Variants in OPCML observed in about 807,000 individuals in gnomAD.
OPCML encodes the protein opioid-binding protein/cell adhesion molecule.
A neutral mutation model predicts 37.8 loss-of-function variants in OPCML; 13 were observed. The observed-to-expected ratio is 0.34, with a 90% CI of 0.22 to 0.55. The LOEUF (loss-of-function observed/expected upper bound fraction) is 0.55. OPCML is among the 20% of genes least tolerant of loss of function. The probability of loss-of-function intolerance (pLI) is 0.91; values close to 1 mark genes in which losing one functional copy is unlikely to be tolerated. For missense variants in OPCML, 341 were observed against 435.6 expected, an observed-to-expected ratio of 0.78 and a Z score of 1.93; for synonymous variants, 176 against 168.8, an observed-to-expected ratio of 1.04 and a Z score of -0.33.
At chr11:133,080,474 GT>G (rs34982227) in intron 1 of OPCML, among the ~76,000 whole-genome samples, 31,465 of 129,164 alleles carry the variant, frequency 0.24, 3,656 homozygotes, top group African/African-American at 0.37. Flanking sequence ...GTAATCAAAT[GT>G]TTTTTTTTTT....
At chr11:132,490,879 C>T (rs947947470) in intron 4 of OPCML, among the ~76,000 whole-genome samples, 1 of 151,712 alleles carries the variant, frequency 6.6e-6, no homozygotes, top group African/African-American at 2.4e-5. Context: ...AGATGTTTCA[C>T]GTTTGTCCTG....
intron 1 of OPCML, among the ~76,000 whole-genome samples, chr11:132,983,851 G>A (rs959600190): frequency 6.6e-6 from 1 of 152,102 alleles, no homozygotes; most frequent in Non-Finnish European, 1.5e-5. Context: ...ACATTCTACT[G>A]GTAAAAGTGA....
chr11:132,815,905 T>A (rs75802558), intron 2 of OPCML, among the ~76,000 whole-genome samples: 2,488 of 152,238 alleles, frequency 0.016, 27 homozygotes, highest in Middle Eastern at 0.027. Flanking sequence ...AAAGCAGAGA[T>A]GTGCACAAGG....
intron 2 of OPCML, among the ~76,000 whole-genome samples, chr11:132,804,300 C>T (rs370533049): frequency 9.9e-5 from 15 of 152,068 alleles, no homozygotes; most frequent in Non-Finnish European, 1.6e-4. Flanking sequence ...TATGTTTCTG[C>T]GGAGCCCAAG....
intron 1 of OPCML, among the ~76,000 whole-genome samples, chr11:133,370,621 T>C (rs1234826990): frequency 6.6e-6 from 1 of 151,962 alleles, no homozygotes. Flanking sequence ...TTCATCCTCA[T>C]GGATCAGAAG....
Position 133,319,931 on chromosome 11 carries a change from A to T in OPCML, c.61+212333T>A, listed in dbSNP as rs144881720. 6.6e-3 allele frequency among the ~76,000 whole-genome samples: 1,006 copies of T among 152,346 alleles called. 2 individuals carry two copies. The highest frequency in any genetic ancestry group is 0.014 in the Middle Eastern group (4 of 294). ...GAATTTTTTGGAATTTCCAAGGCATATGCATCAGGTTGGTGTGGGACCACA... is the reference window on the plus strand; with the variant it reads ...GAATTTTTTGGAATTTCCAAGGCATTTGCATCAGGTTGGTGTGGGACCACA... On this transcript the variant is annotated intron_variant, in intron 1 of 7. Transcript: ENST00000524381.
chr11:133,410,633 G>GAAAAAAA (rs1491473624), intron 1 of OPCML, among the ~76,000 whole-genome samples: 2 of 8,230 alleles, frequency 2.4e-4, no homozygotes, highest in Non-Finnish European at 5.3e-4. Context: ...AAGAAAAAAA[G>GAAAAAAA]TAAAAAAAAA....
At chr11:132,601,276 A>G (rs1481309278) in intron 3 of OPCML, among the ~76,000 whole-genome samples, 2 of 151,992 alleles carry the variant, frequency 1.3e-5, no homozygotes, top group African/African-American at 2.4e-5. Context: ...CCTGCCTCCC[A>G]GAGCTCTTAT....
At chr11:133,075,262 T>C (rs1235034506) in intron 1 of OPCML, among the ~76,000 whole-genome samples, 1 of 152,220 alleles carries the variant, frequency 6.6e-6, no homozygotes. Flanking sequence ...GGCAACCTGC[T>C]ATGTGCTCAC....
At chr11:132,662,702 A>G (rs1942036027) in intron 2 of OPCML, among the ~76,000 whole-genome samples, 1 of 152,268 alleles carries the variant, frequency 6.6e-6, no homozygotes, top group Non-Finnish European at 1.5e-5. Context: ...CCATGGCCTC[A>G]TGCCAGACGT....
At chr11:132,762,637 C>G (rs1946303679) in intron 2 of OPCML, among the ~76,000 whole-genome samples, 1 of 152,118 alleles carries the variant, frequency 6.6e-6, no homozygotes. Context: ...CCTATTCAAG[C>G]CTCAGTAATG....
chr11:132,744,256 T>A (rs1408958808), intron 2 of OPCML, among the ~76,000 whole-genome samples: 1 of 152,182 alleles, frequency 6.6e-6, no homozygotes, highest in Non-Finnish European at 1.5e-5. Flanking sequence ...CCTGGCCCAT[T>A]TTTTATGCAC....
chr11:132,532,616 A>G (rs979684146), intron 3 of OPCML, among the ~76,000 whole-genome samples: 1 of 152,106 alleles, frequency 6.6e-6, no homozygotes, highest in African/African-American at 2.4e-5. Context: ...TTTATTGTTG[A>G]TCAATTCCCC....
At chr11:133,279,188 T>C (rs192290287) in intron 1 of OPCML, among the ~76,000 whole-genome samples, 15 of 152,338 alleles carry the variant, frequency 9.8e-5, no homozygotes, top group African/African-American at 2.9e-4. Context: ...CCTCCTTGAA[T>C]GCATTCACAC....
chr11:132,922,187 A>AT (rs1183791764), intron 2 of OPCML, among the ~76,000 whole-genome samples: 2 of 151,912 alleles, frequency 1.3e-5, no homozygotes, highest in African/African-American at 4.8e-5. Context: ...CAATTTTACC[A>AT]TTTTTTACAT....
rs751836718 is a variant in OPCML, at chr11:132,437,379, C to G, written c.506-20G>C. 1 of 1,612,738 alleles carries G rather than the reference C, an allele frequency of 6.2e-7. No homozygotes were observed. Among genetic ancestry groups the G allele is most frequent in the Non-Finnish European group, 8.5e-7 (1 of 1,179,382 alleles). The stretch of plus-strand genomic sequence containing the variant: ...GGCCTTCTGGGAAGAAAGAAGCAGA[C>G]AGGAAACAATCAGGAAACTGTGTAA... On this transcript the variant is annotated intron_variant, in intron 4 of 7. Transcript: ENST00000524381.
intron 2 of OPCML, among the ~76,000 whole-genome samples, chr11:132,697,920 A>G: frequency 6.6e-6 from 1 of 151,686 alleles, no homozygotes; most frequent in East Asian, 1.9e-4. Flanking sequence ...GGCATGCATT[A>G]CCACACCAGG....
rs187984709 is a variant in OPCML, at chr11:133,053,669, G to A, written c.62-110659C>T. 1.0e-3 allele frequency among the ~76,000 whole-genome samples: 158 copies of A among 151,672 alleles called. 1 individual carries two copies. The highest frequency in any genetic ancestry group is 3.6e-3 in the African/African-American group (151 of 41,512). On this transcript the variant is annotated intron_variant, in intron 1 of 7. Coordinates refer to ENST00000524381, the MANE Select transcript of OPCML (RefSeq NM_001012393.5). ...TCTCAACTGGCTTCTGGGAAAGCAC[G>A]CTCCAGGCTTTTCTTCGACCTAACC...
chr11:132,563,691 G>A (rs1370591549), intron 3 of OPCML, among the ~76,000 whole-genome samples: 2 of 151,824 alleles, frequency 1.3e-5, no homozygotes, highest in Non-Finnish European at 2.9e-5. Flanking sequence ...TCCTTTCAGT[G>A]TCCACATATC....
Sources: gnomAD v4.1 joint callset for allele counts (sites outside exome capture counted in the v4.1 genomes callset) on GRCh38, gnomAD v4.1.1 for gene constraint, MANE v1.5 for transcripts, NCBI Gene and HGNC (gene_info 2026-07-23, HGNC 2026-07-21) for gene names.